ZNF536: variants seen among roughly 807,000 people sequenced by gnomAD.
ZNF536 encodes zinc finger protein 536.
Under a neutral mutation model 84.5 loss-of-function variants are expected in ZNF536, and 13 were observed. That is an observed-to-expected ratio of 0.15 (90% CI 0.10 to 0.24). The LOEUF (loss-of-function observed/expected upper bound fraction) is 0.24, where lower values mean the gene tolerates loss of function less well. Among genes scored for constraint, ZNF536 ranks in the 10% least tolerant of loss-of-function variants. The probability of loss-of-function intolerance (pLI) is 1.00; values close to 1 mark genes in which losing one functional copy is unlikely to be tolerated. For missense variants in ZNF536, 1,536 were observed against 1,747.5 expected (o/e 0.88, Z 2.16); for synonymous variants, 811 against 742.5 (o/e 1.09, Z -1.50).
At chr19:30,609,582 G>A (rs1218543978) in intron 1 of ZNF536, among the ~76,000 whole-genome samples, 1 of 152,212 alleles carries the variant, frequency 6.6e-6, no homozygotes, top group Non-Finnish European at 1.5e-5. Context: ...TAGCTGTAAA[G>A]TTTTGAAATA....
chr19:30,244,453 T>G (rs2024136170), intron 1 of ZNF536, among the ~76,000 whole-genome samples: 2 of 152,230 alleles, frequency 1.3e-5, no homozygotes, highest in Admixed American at 1.3e-4. Flanking sequence ...TAACATACAG[T>G]GCATATTATT....
At chr19:30,518,269 G>A (rs1475507195) in intron 2 of ZNF536, among the ~76,000 whole-genome samples, 5 of 152,116 alleles carry the variant, frequency 3.3e-5, no homozygotes, top group Non-Finnish European at 4.4e-5. Flanking sequence ...ACTTACGAAG[G>A]GTAGCTTCAG....
At chr19:30,419,794 C>T (rs1319075743) in intron 1 of ZNF536, among the ~76,000 whole-genome samples, 1 of 152,222 alleles carries the variant, frequency 6.6e-6, no homozygotes, top group Non-Finnish European at 1.5e-5. Flanking sequence ...GCTTCTCTCA[C>T]CATGGCTCTC....
chr19:30,526,295 G>C (rs1461979949), intron 2 of ZNF536, among the ~76,000 whole-genome samples: 3 of 152,190 alleles, frequency 2.0e-5, no homozygotes, highest in Non-Finnish European at 2.9e-5. Flanking sequence ...CACCCCTTGG[G>C]GCCTTGGCAA....
intron 2 of ZNF536, among the ~76,000 whole-genome samples, chr19:30,498,251 T>C (rs892188648): frequency 6.6e-6 from 1 of 152,180 alleles, no homozygotes; most frequent in Non-Finnish European, 1.5e-5. Flanking sequence ...TGGAATACTA[T>C]GCAGCCATAA....
chr19:30,476,840 T>G (rs967574256), intron 2 of ZNF536, among the ~76,000 whole-genome samples: 2 of 152,220 alleles, frequency 1.3e-5, no homozygotes, highest in African/African-American at 4.8e-5. Context: ...GCCTGCCTCT[T>G]GGACTCCAGG....
intron 1 of ZNF536, among the ~76,000 whole-genome samples, chr19:30,601,201 C>T (rs903201878): frequency 9.9e-5 from 15 of 152,210 alleles, no homozygotes; most frequent in Admixed American, 2.0e-4. Flanking sequence ...GAGGACTAGA[C>T]AGCTAAAGTG....
At chr19:30,647,711 C>T (rs933109677) in intron 1 of ZNF536, among the ~76,000 whole-genome samples, 1 of 152,236 alleles carries the variant, frequency 6.6e-6, no homozygotes, top group Non-Finnish European at 1.5e-5. Context: ...TCCAGCACCT[C>T]CTTGCTAAGA....
intron 1 of ZNF536, among the ~76,000 whole-genome samples, chr19:30,648,142 C>A (rs955514612): frequency 6.6e-6 from 1 of 152,102 alleles, no homozygotes; most frequent in Non-Finnish European, 1.5e-5. Context: ...AGAACACAGA[C>A]TAAAAAGGGC....
intron 1 of ZNF536, among the ~76,000 whole-genome samples, chr19:30,274,823 A>G (rs1281511437): frequency 6.6e-6 from 1 of 152,018 alleles, no homozygotes; most frequent in Non-Finnish European, 1.5e-5. Flanking sequence ...ACAGAAAACA[A>G]CTCTCCAGTT....
At chr19:30,552,280 C>G (rs2045813183) in intron 4 of ZNF536, among the ~76,000 whole-genome samples, 1 of 152,144 alleles carries the variant, frequency 6.6e-6, no homozygotes, top group Non-Finnish European at 1.5e-5. Flanking sequence ...TTTGTCAGAC[C>G]AAAGCATCAT....
At chr19:30,436,877 C>T (rs1416050360) in intron 1 of ZNF536, among the ~76,000 whole-genome samples, 2 of 152,126 alleles carry the variant, frequency 1.3e-5, no homozygotes, top group Admixed American at 1.3e-4. Flanking sequence ...TGGAAACCCC[C>T]TTGCTGTGAA....
intron 1 of ZNF536, among the ~76,000 whole-genome samples, chr19:30,440,912 TAGATAGATA>T (rs1300141218): frequency 6.6e-6 from 1 of 151,648 alleles, no homozygotes; most frequent in Non-Finnish European, 1.5e-5. Context: ...GATAGATAGA[TAGATAGATA>T]GATAGATAGA....
chr19:30,278,881 A>T (rs1054463027), intron 1 of ZNF536, among the ~76,000 whole-genome samples: 11 of 152,132 alleles, frequency 7.2e-5, no homozygotes, highest in Non-Finnish European at 1.2e-4. Context: ...CAAATAGATC[A>T]TGTTTTTCCT....
chr19:30,250,417 G>A (rs1215881895), intron 1 of ZNF536, among the ~76,000 whole-genome samples: 1 of 152,202 alleles, frequency 6.6e-6, no homozygotes, highest in Non-Finnish European at 1.5e-5. Flanking sequence ...TTGGGGCAAT[G>A]AGCTGCGTGG....
At chr19:30,289,728 T>C (rs1600092320) in intron 2 of ZNF536, among the ~76,000 whole-genome samples, 1 of 152,220 alleles carries the variant, frequency 6.6e-6, no homozygotes, top group South Asian at 2.1e-4. Flanking sequence ...TGACCCCCAA[T>C]GCCTATCCCG....
chr19:30,663,974 T>A (rs2050211675), intron 1 of ZNF536, among the ~76,000 whole-genome samples: 2 of 152,162 alleles, frequency 1.3e-5, no homozygotes, highest in South Asian at 4.1e-4. Flanking sequence ...TATGGCTGTC[T>A]CTGGCTGCCA....
At chr19:30,476,550 G>A (rs572794926) in intron 2 of ZNF536, among the ~76,000 whole-genome samples, 5 of 152,318 alleles carry the variant, frequency 3.3e-5, no homozygotes, top group South Asian at 4.1e-4. Flanking sequence ...TTGATTGTTC[G>A]TGAAGGAATA....
chr19:30,338,201 TTGA>T (rs998355999), intron 2 of ZNF536, among the ~76,000 whole-genome samples: 4 of 150,734 alleles, frequency 2.7e-5, no homozygotes, highest in African/African-American at 7.3e-5. Context: ...GGTGATGATG[TTGA>T]TGGTGGTGGT....
Sources: gnomAD v4.1 joint callset for allele counts (sites outside exome capture counted in the v4.1 genomes callset) on GRCh38, gnomAD v4.1.1 for gene constraint, MANE v1.5 for transcripts, NCBI Gene and HGNC (gene_info 2026-07-23, HGNC 2026-07-21) for gene names.